The following FGF13 variants were observed in gnomAD, a reference collection of about 807,000 sequenced individuals.
FGF13 encodes fibroblast growth factor 13, also known as fibroblast growth factor homologous factor 2.
FGF13 carries 2 observed loss-of-function variants against 19.5 expected under a neutral mutation model. The observed-to-expected ratio is 0.10, with a 90% CI of 0.04 to 0.32. The LOEUF (loss-of-function observed/expected upper bound fraction) is 0.32. FGF13 is among the 10% of genes least tolerant of loss of function. The pLI is 1.00. For missense variants in FGF13, 113 were observed against 192.7 expected, an observed-to-expected ratio of 0.59 and a Z score of 2.45; for synonymous variants, 72 against 76.9, an observed-to-expected ratio of 0.94 and a Z score of 0.33.
rs769819306 is a variant in FGF13 at position 138,709,892 on chromosome X, T to C, written c.187+925A>G. 8.0e-5 allele frequency among the ~76,000 whole-genome samples: 9 copies of C among 112,301 alleles called. No individual in the cohort carries two copies. The South Asian group carries it at 3.3e-3, about 42-fold the overall frequency. On this transcript the variant is annotated intron_variant, in intron 1 of 4. Coordinates refer to ENST00000315930, the MANE Select transcript of FGF13 (RefSeq NM_004114.5). ...GCAAACAGAAAACGTTATGTCTGCT[T>C]TTCCATCCCAGGGTGTAGCACACAT...
At chrX:139,182,086 C>T (rs958694378) in intron 1 of FGF13, among the ~76,000 whole-genome samples, 11 of 111,183 alleles carry the variant, frequency 9.9e-5, no homozygotes, top group African/African-American at 3.6e-4. Context: ...TTATATAGAG[C>T]TTACTCTGTG....
At chrX:138,897,127 A>G (rs921578048) in intron 1 of FGF13, among the ~76,000 whole-genome samples, 9 of 111,295 alleles carry the variant, frequency 8.1e-5, no homozygotes, top group Non-Finnish European at 1.5e-4. Context: ...CTTCCACCTC[A>G]GCCTCCAGAG....
intron 3 of FGF13, among the ~76,000 whole-genome samples, chrX:138,654,343 G>A (rs990196851): frequency 1.8e-5 from 2 of 112,086 alleles, no homozygotes; most frequent in Non-Finnish European, 3.8e-5. Context: ...GCATAGTAAT[G>A]GCTGCCCCTA....
chrX:139,069,887 T>C (rs1212703626), intron 1 of FGF13, among the ~76,000 whole-genome samples: 3 of 112,338 alleles, frequency 2.7e-5, no homozygotes. Context: ...GGGAAAGGAT[T>C]CCCTATTTAA....
chrX:138,698,489 G>A (rs2089917318), intron 3 of FGF13, among the ~76,000 whole-genome samples: 1 of 111,595 alleles, frequency 9.0e-6, no homozygotes, highest in African/African-American at 3.3e-5. Flanking sequence ...TTGGTATCAG[G>A]AATTTGGAAC....
Position 138,724,616 on chromosome X carries a change from T to A in FGF13, c.28+14626A>T, listed in dbSNP as rs138513146. On this transcript the variant is annotated intron_variant, in intron 1 of 4. Transcript: ENST00000305414. ...TAGTGCTTAACAACGCAGGTTAGAA[T>A]TTGTAAACTAGGCGAATTGCTGGAA... is the stretch of plus-strand genomic sequence containing the variant. Among the ~76,000 whole-genome samples, 411 of 112,109 alleles carry A rather than the reference T, an allele frequency of 3.7e-3. 2 individuals carry two copies. The highest frequency in any genetic ancestry group is 0.012 in the African/African-American group (377 of 30,933).
intron 1 of FGF13, among the ~76,000 whole-genome samples, chrX:139,076,331 C>A (rs1346013642): frequency 8.9e-6 from 1 of 111,813 alleles, no homozygotes; most frequent in Non-Finnish European, 1.9e-5. Context: ...CAAATAAAAT[C>A]CATGCAATCA....
intron 1 of FGF13, among the ~76,000 whole-genome samples, chrX:138,970,021 A>C (rs1441687060): frequency 1.8e-5 from 2 of 111,934 alleles, no homozygotes; most frequent in African/African-American, 6.5e-5. Flanking sequence ...TGTACATGCC[A>C]TCTACAGCTA....
intron 1 of FGF13, among the ~76,000 whole-genome samples, chrX:138,995,443 T>C (rs2092037769): frequency 8.9e-6 from 1 of 111,762 alleles, no homozygotes; most frequent in African/African-American, 3.3e-5. Context: ...CCAATAGTTA[T>C]ATTTTCTGCT....
At chrX:138,807,136 G>A (rs747450010) in intron 3 of FGF13, 3 of 110,554 alleles carry the variant, frequency 2.7e-5, no homozygotes, top group Non-Finnish European at 5.7e-5. Context: ...ATCTGTTGAG[G>A]GCCGGCCCTG....
At chrX:138,978,353 C>T (rs1302605488) in intron 1 of FGF13, among the ~76,000 whole-genome samples, 2 of 104,845 alleles carry the variant, frequency 1.9e-5, no homozygotes, top group African/African-American at 7.1e-5. Flanking sequence ...AGCTCCACCT[C>T]CCGGGTTCAC....
In FGF13 at chrX:138,621,895, G is replaced by C. The variant is rs184765880; in HGVS notation, c.*10955C>G. ...CCACAACCTAGCAAGACTGAATCATGAATAGAGAATCTGTAGAGAGCAATA... is the reference window on the plus strand; with the variant it reads ...CCACAACCTAGCAAGACTGAATCATCAATAGAGAATCTGTAGAGAGCAATA... On this transcript the variant is annotated 3_prime_UTR_variant, in exon 5 of 5. Transcript: ENST00000315930. 11 of 111,109 alleles carry C rather than the reference G, an allele frequency of 9.9e-5. No homozygotes were observed. In the Admixed American group the frequency reaches 1.1e-3, roughly 11 times the overall value. 9.2% of individuals were successfully genotyped at this position (111,109 alleles called of 1,213,427 possible).
At chrX:138,742,929 C>CA (rs777550394), upstream of FGF13, among the ~76,000 whole-genome samples, 2 of 111,894 alleles carry the variant, frequency 1.8e-5, no homozygotes, top group East Asian at 5.7e-4. Flanking sequence ...AATTAATGAG[C>CA]ATTTTGCTGC....
intron 3 of FGF13, among the ~76,000 whole-genome samples, chrX:138,788,217 G>A (rs780035945): frequency 8.9e-6 from 1 of 112,224 alleles, no homozygotes; most frequent in Non-Finnish European, 1.9e-5. Context: ...CTTCCAAAAT[G>A]AAGAAATAGG....
chrX:138,778,851 A>G (rs945849208), intron 3 of FGF13, among the ~76,000 whole-genome samples: 16 of 112,451 alleles, frequency 1.4e-4, no homozygotes, highest in African/African-American at 5.2e-4. Flanking sequence ...TGTAGGCTCC[A>G]CCTCTGGGGG....
chrX:138,772,665 G>A (rs1304413390), intron 3 of FGF13, among the ~76,000 whole-genome samples: 1 of 111,376 alleles, frequency 9.0e-6, no homozygotes, highest in African/African-American at 3.3e-5. Context: ...GGCACGTTCT[G>A]CTAACAAGAT....
intron 3 of FGF13, among the ~76,000 whole-genome samples, chrX:138,673,860 G>GT (rs1462860076): frequency 1.2e-4 from 13 of 110,914 alleles, no homozygotes; most frequent in African/African-American, 4.3e-4. Context: ...AGGATCCATA[G>GT]TAACAAAGAA....
At chrX:139,019,455 C>T (rs1262205913) in intron 1 of FGF13, among the ~76,000 whole-genome samples, 1 of 110,474 alleles carries the variant, frequency 9.1e-6, no homozygotes, top group Non-Finnish European at 1.9e-5. Context: ...ACTAACACTA[C>T]AGAAAATAAA....
chrX:139,203,522 A>AGGG (rs2084435647), exon 1 of FGF13: 1 of 17,526 alleles, frequency 5.7e-5, no homozygotes, highest in African/African-American at 3.1e-4. Flanking sequence ...GGGGGGAAGG[A>AGGG]GGTGGTGGGA....
Sources: allele counts gnomAD v4.1 joint callset (sites outside exome capture counted in the v4.1 genomes callset), GRCh38; gene constraint gnomAD v4.1.1; transcripts MANE v1.5; gene names NCBI Gene and HGNC (gene_info 2026-07-23, HGNC 2026-07-21).